CTNNA2: variants seen among roughly 807,000 people sequenced by gnomAD.
CTNNA2 encodes catenin alpha 2.
Under a neutral mutation model 101.0 loss-of-function variants are expected in CTNNA2, and 42 were observed. The observed-to-expected ratio is 0.42, with a 90% CI of 0.32 to 0.54. The LOEUF is 0.54. Among genes scored for constraint, CTNNA2 ranks in the 20% least tolerant of loss-of-function variants. The probability of loss-of-function intolerance (pLI) is 0.14; values close to 1 mark genes in which losing one functional copy is unlikely to be tolerated. For missense variants in CTNNA2, 871 were observed against 1,223.1 expected (o/e 0.71, Z 4.29); for synonymous variants, 450 against 456.4 (o/e 0.99, Z 0.18).
intron 7 of CTNNA2, among the ~76,000 whole-genome samples, chr2:80,100,237 C>A (rs1035889936): frequency 1.3e-5 from 2 of 152,128 alleles, no homozygotes; most frequent in African/African-American, 4.8e-5. Context: ...CCCAACCATG[C>A]ATCTGAATTT....
intron 1 of CTNNA2, among the ~76,000 whole-genome samples, chr2:79,605,591 A>G (rs1677834302): frequency 6.6e-6 from 1 of 151,954 alleles, no homozygotes; most frequent in South Asian, 2.1e-4. Context: ...AAGATATGGA[A>G]ACAGTATATT....
intron 2 of CTNNA2, among the ~76,000 whole-genome samples, chr2:79,225,924 G>A (rs1312192608): frequency 6.6e-6 from 1 of 152,070 alleles, no homozygotes; most frequent in Non-Finnish European, 1.5e-5. Context: ...GTTTTGTTTT[G>A]TTTTGCTACC....
chr2:79,250,039 T>C (rs1674750211), intron 2 of CTNNA2, among the ~76,000 whole-genome samples: 1 of 152,304 alleles, frequency 6.6e-6, no homozygotes, highest in South Asian at 2.1e-4. Flanking sequence ...AAATTCCTCC[T>C]GAGCATGCTA....
intron 7 of CTNNA2, among the ~76,000 whole-genome samples, chr2:80,053,082 ATTTTC>A (rs1558763635): frequency 6.6e-6 from 1 of 152,002 alleles, no homozygotes; most frequent in Non-Finnish European, 1.5e-5. Context: ...TAATTTCAGT[ATTTTC>A]TTTACTTTGA....
At chr2:80,452,825 T>C (rs1683628784) in intron 9 of CTNNA2, among the ~76,000 whole-genome samples, 1 of 147,430 alleles carries the variant, frequency 6.8e-6, no homozygotes, top group Admixed American at 6.6e-5. Flanking sequence ...CCCTGCAGTA[T>C]GATAAGATCT....
chr2:80,450,795 G>A (rs983426386), intron 9 of CTNNA2, among the ~76,000 whole-genome samples: 20 of 152,096 alleles, frequency 1.3e-4, no homozygotes, highest in Admixed American at 4.6e-4. Context: ...AACTGTATTA[G>A]TCTATGGTTT....
At chr2:79,861,680 T>A (rs1378904530) in intron 4 of CTNNA2, among the ~76,000 whole-genome samples, 2 of 152,212 alleles carry the variant, frequency 1.3e-5, no homozygotes, top group Non-Finnish European at 2.9e-5. Context: ...GAGTTCTCTT[T>A]GAGTATATAT....
At chr2:79,222,844 C>T (rs145569601) in intron 2 of CTNNA2, among the ~76,000 whole-genome samples, 109 of 152,098 alleles carry the variant, frequency 7.2e-4, no homozygotes, top group African/African-American at 2.6e-3. Context: ...ATGGCATTAG[C>T]GCCCTTATGA....
At chr2:79,910,092 A>T (rs771123801) in intron 7 of CTNNA2, among the ~76,000 whole-genome samples, 4 of 152,156 alleles carry the variant, frequency 2.6e-5, no homozygotes, top group African/African-American at 7.2e-5. Flanking sequence ...AGTAGGTAAG[A>T]TTTCAATTGG....
intron 7 of CTNNA2, among the ~76,000 whole-genome samples, chr2:79,955,798 G>A (rs1454064910): frequency 1.3e-5 from 2 of 152,142 alleles, no homozygotes; most frequent in African/African-American, 4.8e-5. Flanking sequence ...TTACAGGTGT[G>A]AGCCACCACA....
intron 2 of CTNNA2, among the ~76,000 whole-genome samples, chr2:79,304,289 T>C (rs964028555): frequency 8.5e-5 from 13 of 152,152 alleles, no homozygotes; most frequent in African/African-American, 3.1e-4. Context: ...TTATAAGAAT[T>C]CACTACATTT....
intron 7 of CTNNA2, among the ~76,000 whole-genome samples, chr2:80,072,958 CAT>C (rs1363464705): frequency 1.3e-5 from 2 of 152,174 alleles, no homozygotes; most frequent in Non-Finnish European, 2.9e-5. Flanking sequence ...CAGTATCACA[CAT>C]GTGATGTATG....
At chr2:79,224,759 T>C (rs930277931) in intron 2 of CTNNA2, among the ~76,000 whole-genome samples, 3 of 151,368 alleles carry the variant, frequency 2.0e-5, no homozygotes, top group African/African-American at 7.3e-5. Context: ...CACCACCATC[T>C]CCCAGAGCCA....
intron 9 of CTNNA2, among the ~76,000 whole-genome samples, chr2:80,443,215 A>T (rs1682747953): frequency 6.6e-6 from 1 of 152,192 alleles, no homozygotes; most frequent in South Asian, 2.1e-4. Context: ...ATAAGATTGT[A>T]AGACAATGAT....
At chr2:80,201,667 G>T (rs1271040241) in intron 7 of CTNNA2, among the ~76,000 whole-genome samples, 3 of 152,104 alleles carry the variant, frequency 2.0e-5, no homozygotes, top group African/African-American at 7.2e-5. Flanking sequence ...GAGCCACCGT[G>T]CCCGGCCACA....
intron 2 of CTNNA2, among the ~76,000 whole-genome samples, chr2:79,223,105 A>G (rs1674366136): frequency 6.6e-6 from 1 of 152,156 alleles, no homozygotes. Flanking sequence ...GGTTACAGTG[A>G]GCTATGTTCG....
chr2:80,134,977 A>AT (rs967076503), intron 7 of CTNNA2, among the ~76,000 whole-genome samples: 1 of 151,958 alleles, frequency 6.6e-6, no homozygotes, highest in Admixed American at 6.6e-5. Flanking sequence ...AGGTAATATT[A>AT]TTTTTTTTAG....
chr2:80,180,414 A>G (rs1043435618), intron 7 of CTNNA2, among the ~76,000 whole-genome samples: 2 of 152,236 alleles, frequency 1.3e-5, no homozygotes, highest in Non-Finnish European at 2.9e-5. Context: ...GAACACTGTG[A>G]TTAATTAGAC....
chr2:79,208,602 C>T (rs1465875564), intron 2 of CTNNA2, among the ~76,000 whole-genome samples: 1 of 152,132 alleles, frequency 6.6e-6, no homozygotes, highest in Non-Finnish European at 1.5e-5. Flanking sequence ...TGTAATTGCT[C>T]TTCTAAGTGG....
Sources: allele counts gnomAD v4.1 joint callset (sites outside exome capture counted in the v4.1 genomes callset), GRCh38; gene constraint gnomAD v4.1.1; transcripts MANE v1.5; gene names NCBI Gene and HGNC (gene_info 2026-07-23, HGNC 2026-07-21).